NLRP1: variants seen among roughly 807,000 people sequenced by gnomAD.
NLRP1 encodes NLR family pyrin domain containing 1.
A neutral mutation model predicts 136.7 loss-of-function variants in NLRP1; 94 were observed. The ratio of observed to expected loss-of-function variants is 0.69; its 90% CI spans 0.58 to 0.82. The LOEUF is 0.82. NLRP1 is among the 40% of genes least tolerant of loss of function. The probability of loss-of-function intolerance (pLI) is 0.00; values close to 1 mark genes in which losing one functional copy is unlikely to be tolerated. For missense variants in NLRP1, 1,575 were observed against 1,802.7 expected (o/e 0.87, Z 2.29); for synonymous variants, 690 against 725.1 (o/e 0.95, Z 0.78).
chr17:5,508,074 C>T (rs769390270), intron 15 of NLRP1, among the ~76,000 whole-genome samples: 3 of 151,544 alleles, frequency 2.0e-5, no homozygotes, highest in East Asian at 1.9e-4. Context: ...GCGGAGGTTG[C>T]GGTGAGCTGA....
intron 12 of NLRP1, 79 bp downstream of exon 12, chr17:5,530,402 C>T (rs1188737240): frequency 2.2e-6 from 3 of 1,349,706 alleles, no homozygotes; most frequent in Non-Finnish European, 3.2e-6. Context: ...ACACCCTCTC[C>T]CAGGAGATTA....
At chr17:5,553,860 T>G (rs1567656200) in intron 4 of NLRP1, among the ~76,000 whole-genome samples, 1 of 151,960 alleles carries the variant, frequency 6.6e-6, no homozygotes, top group Admixed American at 6.5e-5. Flanking sequence ...TTTGTCTTTT[T>G]TTTTTTTTTT....
In NLRP1 at chr17:5,532,836, T is replaced by G; in HGVS notation, c.3282A>C (p.Glu1094Asp). ...GPVATEVVDK[E>D]KNLYRVHFPV... Reference sequence around the variant, plus strand: ...CCCTCACTCACCGGTACAAGTTCTTTTCTTTGTCAACTACCTCAGTAGCCA... The same window carrying G: ...CCCTCACTCACCGGTACAAGTTCTTGTCTTTGTCAACTACCTCAGTAGCCA... The change falls in exon 11 of 17, where the codon GAA becomes GAC. Residue 1094 changes from glutamate (E) to aspartate (D), a missense_variant. Coordinates refer to ENST00000572272, the MANE Select transcript of NLRP1 (RefSeq NM_033004.4). The G allele has an allele frequency of 6.2e-7, 1 of 1,605,086 alleles. No individual in the cohort carries two copies. The highest frequency in any genetic ancestry group is 8.5e-7 in the Non-Finnish European group (1 of 1,176,768).
chr17:5,514,879 T>C lies in NLRP1; in HGVS notation c.4297A>G (p.Ser1433Gly), dbSNP rs1266807769. The change falls in exon 17 of 17, where the codon AGC becomes GGC. Residue 1433 changes from serine (S) to glycine (G), a missense_variant. Coordinates refer to ENST00000572272, the MANE Select transcript of NLRP1 (RefSeq NM_033004.4). ...PSQMRKLFSL[S>G]QSWDRKCKDG... ...TTGCACTTCCGGTCCCAGGACTGGC[T>C]CAAGCTGAACAGCTTCCGCATCTGG... 1.2e-6 allele frequency: 2 copies of C among 1,614,010 alleles called. No homozygotes were observed. The highest frequency in any genetic ancestry group is 2.7e-5 in the African/African-American group (2 of 74,914).
chr17:5,517,896 G>A lies in NLRP1; in HGVS notation c.3916-9C>T, dbSNP rs62072728. The A allele has an allele frequency of 2.5e-6, 4 of 1,613,604 alleles. No individual in the cohort carries two copies. In the East Asian group the frequency reaches 6.7e-5, roughly 27 times the overall value. ...TAGCAGAGCTCCAGTTCCTGAAGAGGCAAAGAGTTGAGTTGCCACCCTGTT... is the reference window on the plus strand; with the variant it reads ...TAGCAGAGCTCCAGTTCCTGAAGAGACAAAGAGTTGAGTTGCCACCCTGTT... On this transcript the variant is annotated splice_polypyrimidine_tract_variant and intron_variant, in intron 14 of 16. Coordinates refer to ENST00000572272, the MANE Select transcript of NLRP1 (RefSeq NM_033004.4).
rs1283223468 is a variant in NLRP1 at position 5,521,073 on chromosome 17, TA to T, written c.3784-62del. The T allele has an allele frequency of 8.0e-6, 12 of 1,493,434 alleles. No individual in the cohort carries two copies. The Admixed American group carries it at 8.5e-5, about 11-fold the overall frequency. 92.5% of individuals were successfully genotyped at this position (1,493,434 alleles called of 1,614,324 possible). On this transcript the variant is annotated intron_variant, in intron 13 of 16. Coordinates refer to ENST00000572272, the MANE Select transcript of NLRP1 (RefSeq NM_033004.4). Reference sequence around the variant, plus strand: ...TCTGCCCCGTGGAATGTGGTTTGAATAGGGGGGATGGTGCATCTGTGTGTTT... The same window carrying T: ...TCTGCCCCGTGGAATGTGGTTTGAATGGGGGGATGGTGCATCTGTGTGTTT...
chr17:5,517,694 G>A, intron 15 of NLRP1, 52 bp downstream of exon 15: 1 of 1,605,900 alleles, frequency 6.2e-7, no homozygotes, highest in South Asian at 1.1e-5. Context: ...CTCCTTCATT[G>A]ATTTTCTTTC....
At chr17:5,542,135 C>A in intron 5 of NLRP1, 108 bp from the exon 6 acceptor site, 1 of 1,128,196 alleles carries the variant, frequency 8.9e-7, no homozygotes, top group Non-Finnish European at 1.3e-6. Context: ...GTGGGCCAGG[C>A]AGAGGTCTAG....
At chr17:5,540,540 G>C (rs945759745) in intron 6 of NLRP1, among the ~76,000 whole-genome samples, 15 of 152,194 alleles carry the variant, frequency 9.9e-5, no homozygotes, top group African/African-American at 3.6e-4. Flanking sequence ...AGGGAACAGG[G>C]AGAATGGAAA....
chr17:5,553,313 C>G (rs1439457128), intron 5 of NLRP1, 73 bp downstream of exon 5: 29 of 1,366,570 alleles, frequency 2.1e-5, no homozygotes, highest in Admixed American at 1.6e-4. Flanking sequence ...ACAAATCCCT[C>G]AGCCCAGACT....
At chr17:5,556,909 C>A (rs1914157197) in intron 4 of NLRP1, among the ~76,000 whole-genome samples, 1 of 151,936 alleles carries the variant, frequency 6.6e-6, no homozygotes, top group South Asian at 2.1e-4. Context: ...CAGGTGTGAG[C>A]CACCACACCC....
At chr17:5,525,226 A>G (rs1254670800) in intron 12 of NLRP1, among the ~76,000 whole-genome samples, 3 of 152,202 alleles carry the variant, frequency 2.0e-5, no homozygotes, top group Non-Finnish European at 2.9e-5. Context: ...CTTACTGAGT[A>G]CGGACAATGT....
At chr17:5,547,306 C>A (rs900320707) in intron 5 of NLRP1, among the ~76,000 whole-genome samples, 1 of 152,074 alleles carries the variant, frequency 6.6e-6, no homozygotes, top group East Asian at 1.9e-4. Context: ...ACATAGCATA[C>A]ATGATCTCCT....
At chr17:5,508,127 C>T (rs568719853) in intron 15 of NLRP1, among the ~76,000 whole-genome samples, 5 of 143,768 alleles carry the variant, frequency 3.5e-5, no homozygotes, top group Non-Finnish European at 6.0e-5. Flanking sequence ...GAGCGAGACT[C>T]GGTCTCAGAA....
Position 5,537,557 on chromosome 17 carries a change from G to C in NLRP1, c.2871-617C>G, listed in dbSNP as rs955090407. ...TCTGTGTCCTCCATCTACCACGTAGGATGAATCAATCCTGCCCTGCCTGTT... is the reference window on the plus strand; with the variant it reads ...TCTGTGTCCTCCATCTACCACGTAGCATGAATCAATCCTGCCCTGCCTGTT... On this transcript the variant is annotated intron_variant, in intron 7 of 16. Transcript: ENST00000572272. The surrounding 1 kb of genome is among the most constrained non-coding windows in gnomAD (Gnocchi z 4.5). 2.0e-5 allele frequency among the ~76,000 whole-genome samples: 3 copies of C among 152,160 alleles called. No homozygotes were observed. In the South Asian group the frequency reaches 6.2e-4, roughly 31 times the overall value.
At chr17:5,532,778 G>A (rs756512075) in intron 11 of NLRP1, 44 bp downstream of exon 11, 1 of 1,527,740 alleles carries the variant, frequency 6.5e-7, no homozygotes, top group East Asian at 2.4e-5. Flanking sequence ...TGGGCAGTGG[G>A]GTGCGGGAGG....
At position 5,514,429 on chromosome 17, in the gene NLRP1, C is replaced by T. The variant is rs200798873; in HGVS notation, c.*325G>A. ...CAGAGGCAAATGGTTCCATGTCCCT[C>T]CTATTCCTCTTTGCGCCTGGATGGG... is the stretch of plus-strand genomic sequence containing the variant. On this transcript the variant is annotated 3_prime_UTR_variant, in exon 17 of 17. Transcript: ENST00000572272. The T allele has an allele frequency of 1.7e-6, 2 of 1,187,146 alleles. No homozygotes were observed. The highest frequency in any genetic ancestry group is 1.1e-6 in the Non-Finnish European group (1 of 948,370). 73.5% of individuals were successfully genotyped at this position (1,187,146 alleles called of 1,614,324 possible).
At chr17:5,535,778 G>A (rs188613303) in intron 8 of NLRP1, among the ~76,000 whole-genome samples, 1 of 152,348 alleles carries the variant, frequency 6.6e-6, no homozygotes, top group African/African-American at 2.4e-5. Context: ...CAGCAGCCAG[G>A]AACCTGGGGA....
chr17:5,566,691 G>A (rs970489937), intron 3 of NLRP1, among the ~76,000 whole-genome samples: 4 of 152,110 alleles, frequency 2.6e-5, no homozygotes, highest in African/African-American at 9.7e-5. Context: ...GGTCTGTAAT[G>A]CAGATTAAGT....
Sources: gnomAD v4.1 joint callset for allele counts (sites outside exome capture counted in the v4.1 genomes callset) on GRCh38, gnomAD v4.1.1 for gene constraint, Gnocchi (gnomAD v3.1) non-coding constraint, MANE v1.5 for transcripts, NCBI Gene and HGNC (gene_info 2026-07-23, HGNC 2026-07-21) for gene names.